The following SPMIP4 variants were observed in gnomAD, a reference collection of about 807,000 sequenced individuals.
SPMIP4 encodes sperm-associated microtubule inner protein 4.
the SPMIP4 span, among the ~76,000 whole-genome samples, chr7:25,149,082 G>A: frequency 3.3e-5 from 5 of 152,200 alleles, no homozygotes; most frequent in African/African-American, 1.2e-4. Flanking sequence ...ACAAGAGTAG[G>A]TTACAGTCTG....
chr7:25,176,813 G>A, the SPMIP4 span, among the ~76,000 whole-genome samples: 3 of 152,126 alleles, frequency 2.0e-5, no homozygotes, highest in African/African-American at 2.4e-5. This position sits in a 1 kb window ranked among gnomAD's most constrained non-coding sequence, Gnocchi z 4.4. Flanking sequence ...TTATAATTAC[G>A]GAAAAATCAT....
chr7:25,160,879 T>C, the SPMIP4 span, among the ~76,000 whole-genome samples: 1 of 152,348 alleles, frequency 6.6e-6, no homozygotes, highest in East Asian at 1.9e-4. Flanking sequence ...TAGCAGATTC[T>C]TACTAGGTTG....
the SPMIP4 span, among the ~76,000 whole-genome samples, chr7:25,140,227 G>A: frequency 6.6e-6 from 1 of 152,254 alleles, no homozygotes; most frequent in East Asian, 1.9e-4. Flanking sequence ...CCTGCTCCTG[G>A]TGTTATGATT....
At chr7:25,139,762 A>G in the SPMIP4 span, among the ~76,000 whole-genome samples, 1 of 152,210 alleles carries the variant, frequency 6.6e-6, no homozygotes, top group Non-Finnish European at 1.5e-5. Flanking sequence ...TACTTTGACC[A>G]TATATATTTC....
the SPMIP4 span, among the ~76,000 whole-genome samples, chr7:25,168,662 T>C: frequency 1.3e-5 from 2 of 152,148 alleles, no homozygotes; most frequent in Non-Finnish European, 2.9e-5. Flanking sequence ...TGAGGTTAAA[T>C]TTCTGAGGAC....
chr7:25,144,598 CA>C, the SPMIP4 span, among the ~76,000 whole-genome samples: 2 of 152,186 alleles, frequency 1.3e-5, no homozygotes, highest in Non-Finnish European at 2.9e-5. Flanking sequence ...GCCATTTGGT[CA>C]GGGAATTCTG....
the SPMIP4 span, among the ~76,000 whole-genome samples, chr7:25,141,319 A>C: frequency 6.6e-6 from 1 of 152,178 alleles, no homozygotes; most frequent in Admixed American, 6.5e-5. Flanking sequence ...CACGCCTGTA[A>C]TCCCAGCACT....
At chr7:25,179,518 A>C in the SPMIP4 span, 1 of 424,760 alleles carries the variant, frequency 2.4e-6, no homozygotes, top group Non-Finnish European at 4.1e-6. Flanking sequence ...TTTCAACTGA[A>C]ACAAATCCAC....
the SPMIP4 span, among the ~76,000 whole-genome samples, chr7:25,160,337 C>G: frequency 3.6e-5 from 3 of 83,660 alleles, no homozygotes; most frequent in South Asian, 1.4e-3. Context: ...TTGCTCTTGT[C>G]GCCCAGACTA....
At chr7:25,162,568 T>C in the SPMIP4 span, among the ~76,000 whole-genome samples, 1 of 151,990 alleles carries the variant, frequency 6.6e-6, no homozygotes, top group South Asian at 2.1e-4. Flanking sequence ...AGCAGAGAAA[T>C]GCATTCTCAT....
the SPMIP4 span, chr7:25,161,404 T>C: frequency 4.7e-6 from 2 of 423,676 alleles, no homozygotes; most frequent in Non-Finnish European, 8.4e-6. Flanking sequence ...TTATTTATTA[T>C]TATTTTATAA....
chr7:25,157,717 G>A, the SPMIP4 span, among the ~76,000 whole-genome samples: 5 of 152,172 alleles, frequency 3.3e-5, no homozygotes, highest in Admixed American at 6.5e-5. Flanking sequence ...AGGAACCTAA[G>A]GAGAGATGGT....
the SPMIP4 span, among the ~76,000 whole-genome samples, chr7:25,172,067 C>T: frequency 1.3e-5 from 2 of 152,108 alleles, no homozygotes; most frequent in African/African-American, 4.8e-5. This position sits in a 1 kb window ranked among gnomAD's most constrained non-coding sequence, Gnocchi z 4.2. Context: ...CTGTGGCATG[C>T]AAGGGAATAG....
the SPMIP4 span, chr7:25,135,293 G>C: frequency 1.1e-5 from 11 of 980,596 alleles, no homozygotes; most frequent in Non-Finnish European, 1.1e-5. Context: ...CTGCATAAAA[G>C]AAACAGTTAT....
At chr7:25,179,355 A>G in the SPMIP4 span, 1 of 1,584,508 alleles carries the variant, frequency 6.3e-7, no homozygotes. Context: ...AGGAGGGCAC[A>G]TTTGGCTTGT....
the SPMIP4 span, among the ~76,000 whole-genome samples, chr7:25,131,802 A>G: frequency 6.6e-6 from 1 of 152,202 alleles, no homozygotes; most frequent in Non-Finnish European, 1.5e-5. This position sits in a 1 kb window ranked among gnomAD's most constrained non-coding sequence, Gnocchi z 4.2. Context: ...GTTCAGCTCA[A>G]TTAGGACGAA....
At chr7:25,136,250 A>C in the SPMIP4 span, 2 of 1,614,136 alleles carry the variant, frequency 1.2e-6, no homozygotes, top group Admixed American at 3.3e-5. The surrounding 1 kb of genome is among the most constrained non-coding windows in gnomAD (Gnocchi z 5.7). Context: ...TCTAAAGTGA[A>C]AGCTTCCGTG....
the SPMIP4 span, among the ~76,000 whole-genome samples, chr7:25,150,361 T>C: frequency 1.3e-5 from 2 of 152,156 alleles, no homozygotes; most frequent in Non-Finnish European, 2.9e-5. Flanking sequence ...CTGAAAGAGA[T>C]CCAGTAAAAC....
the SPMIP4 span, chr7:25,179,947 G>C: frequency 6.6e-6 from 1 of 152,420 alleles, no homozygotes; most frequent in Non-Finnish European, 1.5e-5. Flanking sequence ...CCCTGCAAGC[G>C]GTGCCTCGGG....
Sources: gnomAD v4.1 joint callset for allele counts (sites outside exome capture counted in the v4.1 genomes callset) on GRCh38, gnomAD v4.1.1 for gene constraint, Gnocchi (gnomAD v3.1) non-coding constraint, MANE v1.5 for transcripts, NCBI Gene and HGNC (gene_info 2026-07-23, HGNC 2026-07-21) for gene names.